Variants in MAML2 observed in about 807,000 individuals in gnomAD.
MAML2 encodes mastermind like transcriptional coactivator 2.
In MAML2, 22 loss-of-function variants were observed where a neutral mutation model predicts 96.1. That is an observed-to-expected ratio of 0.23 (90% CI 0.16 to 0.33). The LOEUF is 0.33. MAML2 is among the 10% of genes least tolerant of loss of function. The pLI is 1.00. For synonymous variants in MAML2, 561 were observed against 521.3 expected, an observed-to-expected ratio of 1.08 and a Z score of -1.04; for missense variants, 1,367 against 1,392.4, an observed-to-expected ratio of 0.98 and a Z score of 0.29.
At chr11:96,176,356 C>T (rs1268879405) in intron 1 of MAML2, among the ~76,000 whole-genome samples, 1 of 152,150 alleles carries the variant, frequency 6.6e-6, no homozygotes, top group Non-Finnish European at 1.5e-5. Flanking sequence ...CTGTAATATG[C>T]TAGATACTAT....
At chr11:96,306,367 T>C (rs1863461691) in intron 1 of MAML2, among the ~76,000 whole-genome samples, 1 of 152,210 alleles carries the variant, frequency 6.6e-6, no homozygotes, top group African/African-American at 2.4e-5. Context: ...CAAAATGATA[T>C]GGAGGCTTGG....
At chr11:96,060,959 A>G (rs952539638) in intron 2 of MAML2, among the ~76,000 whole-genome samples, 3 of 152,202 alleles carry the variant, frequency 2.0e-5, no homozygotes, top group African/African-American at 7.2e-5. Flanking sequence ...TGAGAACTCA[A>G]GAGGTTTAGT....
chr11:96,259,874 T>C (rs1862723813), intron 1 of MAML2, among the ~76,000 whole-genome samples: 2 of 152,130 alleles, frequency 1.3e-5, no homozygotes, highest in African/African-American at 4.8e-5. Flanking sequence ...TTTAATCTTT[T>C]TATGGTTCAG....
At chr11:96,039,339 A>T (rs1446846651) in intron 2 of MAML2, among the ~76,000 whole-genome samples, 14 of 119,304 alleles carry the variant, frequency 1.2e-4, no homozygotes, top group Admixed American at 9.5e-5. Context: ...AGGGGAGGGG[A>T]GAGGAGAGAG....
At chr11:96,190,468 A>C (rs572047511) in intron 1 of MAML2, among the ~76,000 whole-genome samples, 5 of 152,250 alleles carry the variant, frequency 3.3e-5, no homozygotes, top group African/African-American at 1.2e-4. Context: ...CAGCCAATCC[A>C]TGAAAGAATG....
intron 2 of MAML2, among the ~76,000 whole-genome samples, chr11:96,061,789 T>C (rs1161486868): frequency 1.3e-5 from 2 of 152,160 alleles, no homozygotes; most frequent in Non-Finnish European, 2.9e-5. Flanking sequence ...CTTCCCTTCT[T>C]CTTTTCCTTT....
intron 2 of MAML2, among the ~76,000 whole-genome samples, chr11:96,059,036 C>A (rs939767536): frequency 2.6e-5 from 4 of 152,078 alleles, no homozygotes; most frequent in Non-Finnish European, 5.9e-5. Flanking sequence ...GGGCAGAGAT[C>A]GTGCCACTGC....
intron 1 of MAML2, among the ~76,000 whole-genome samples, chr11:96,291,373 C>T (rs1863207670): frequency 6.6e-6 from 1 of 152,148 alleles, no homozygotes; most frequent in South Asian, 2.1e-4. Flanking sequence ...TGATTCACCC[C>T]ACCTTGGCCT....
chr11:96,337,829 T>C (rs939248511), intron 1 of MAML2, among the ~76,000 whole-genome samples: 2 of 152,250 alleles, frequency 1.3e-5, no homozygotes, highest in African/African-American at 4.8e-5. Context: ...GCTTAATTTT[T>C]CCTAAAGCTT....
At chr11:96,300,595 ACT>A (rs1863372743) in intron 1 of MAML2, among the ~76,000 whole-genome samples, 1 of 152,200 alleles carries the variant, frequency 6.6e-6, no homozygotes, top group African/African-American at 2.4e-5. Flanking sequence ...AAGGCAGCAC[ACT>A]GTCTGATGTC....
chr11:96,090,678 A>G (rs551069548), intron 2 of MAML2, among the ~76,000 whole-genome samples: 6 of 152,304 alleles, frequency 3.9e-5, no homozygotes, highest in Admixed American at 2.6e-4. Context: ...AAAATCTATA[A>G]TTTTTTAAAA....
At chr11:96,304,660 C>T (rs10466373) in intron 1 of MAML2, among the ~76,000 whole-genome samples, 4,848 of 152,186 alleles carry the variant, frequency 0.032, 249 homozygotes, top group African/African-American at 0.11. Flanking sequence ...CTAATTTCCT[C>T]GGTAACTTTT....
rs16923115 is a variant in MAML2 at position 96,125,004 on chromosome 11, T to C, written c.514-31487A>G. On this transcript the variant is annotated intron_variant, in intron 1 of 4. Coordinates refer to ENST00000524717, the MANE Select transcript of MAML2 (RefSeq NM_032427.4). Reference sequence around the variant, plus strand: ...TGACACCTGTCTCCTAAATTGGGCCTTTTGTTACATATCACATGAGAGTCA... The same window carrying C: ...TGACACCTGTCTCCTAAATTGGGCCCTTTGTTACATATCACATGAGAGTCA... Among the ~76,000 whole-genome samples, 463 of 152,324 alleles carry C rather than the reference T, an allele frequency of 3.0e-3. 4 individuals carry two copies. Among genetic ancestry groups the C allele is most frequent in the African/African-American group, 0.011 (441 of 41,568 alleles).
At chr11:96,243,284 G>A (rs574803061) in intron 1 of MAML2, among the ~76,000 whole-genome samples, 9 of 152,302 alleles carry the variant, frequency 5.9e-5, no homozygotes, top group Admixed American at 4.6e-4. Flanking sequence ...GGCCCGGCCG[G>A]CCTCCAGACC....
intron 1 of MAML2, among the ~76,000 whole-genome samples, chr11:96,336,430 G>C (rs1450021687): frequency 6.6e-6 from 1 of 152,184 alleles, no homozygotes; most frequent in African/African-American, 2.4e-5. Context: ...CCATTAGGCT[G>C]TAAGTAAGCA....
chr11:96,086,457 C>G (rs1415866398), intron 2 of MAML2, among the ~76,000 whole-genome samples: 1 of 109,864 alleles, frequency 9.1e-6, no homozygotes, highest in South Asian at 2.7e-4. Flanking sequence ...TTCTCACTTC[C>G]TTGTGTTTTT....
At chr11:96,266,724 G>A (rs1191840186) in intron 1 of MAML2, among the ~76,000 whole-genome samples, 1 of 152,158 alleles carries the variant, frequency 6.6e-6, no homozygotes, top group Non-Finnish European at 1.5e-5. Flanking sequence ...TTAAGACCTA[G>A]GTGCTTAAAT....
chr11:95,984,573 C>A (rs1030971676), intron 4 of MAML2, among the ~76,000 whole-genome samples: 3 of 152,146 alleles, frequency 2.0e-5, no homozygotes, highest in African/African-American at 7.2e-5. Context: ...CAGGCACGTG[C>A]GACTGAGCCC....
intron 1 of MAML2, among the ~76,000 whole-genome samples, chr11:96,123,605 A>G (rs1458350401): frequency 1.3e-5 from 2 of 152,230 alleles, no homozygotes; most frequent in Non-Finnish European, 2.9e-5. Context: ...CCTGCTTTAT[A>G]GTAAGGTTGC....
Sources: gnomAD v4.1 joint callset for allele counts (sites outside exome capture counted in the v4.1 genomes callset) on GRCh38, gnomAD v4.1.1 for gene constraint, MANE v1.5 for transcripts, NCBI Gene and HGNC (gene_info 2026-07-23, HGNC 2026-07-21) for gene names.